The following AGBL4 variants were observed in gnomAD, a reference collection of about 807,000 sequenced individuals.
The protein encoded by AGBL4 is cytosolic carboxypeptidase 6.
In AGBL4, 58 loss-of-function variants were observed where a neutral mutation model predicts 66.4. The ratio of observed to expected loss-of-function variants is 0.87; its 90% confidence interval spans 0.71 to 1.09. The LOEUF is 1.09. AGBL4 is among the 50% of genes least tolerant of loss of function. The pLI is 0.00. For synonymous variants in AGBL4, 234 were observed against 222.9 expected (o/e 1.05, Z -0.44); for missense variants, 579 against 631.0 (o/e 0.92, Z 0.88).
chr1:49,930,658 T>A (rs1653243342), intron 1 of AGBL4, among the ~76,000 whole-genome samples: 1 of 152,010 alleles, frequency 6.6e-6, no homozygotes, highest in Non-Finnish European at 1.5e-5. Context: ...CAAATTAACA[T>A]ACCAAAAACA....
intron 3 of AGBL4, among the ~76,000 whole-genome samples, chr1:49,588,935 T>C (rs1442092572): frequency 6.8e-6 from 1 of 147,998 alleles, no homozygotes; most frequent in African/African-American, 2.6e-5. Flanking sequence ...TCATTTATGT[T>C]AGAAATATGG....
At chr1:50,013,991 T>G (rs907423555) in intron 1 of AGBL4, among the ~76,000 whole-genome samples, 1 of 152,124 alleles carries the variant, frequency 6.6e-6, no homozygotes, top group Non-Finnish European at 1.5e-5. Context: ...ATTGGTAGAG[T>G]TGAATGTTTT....
chr1:49,381,846 TG>T (rs1457482918), intron 3 of AGBL4, among the ~76,000 whole-genome samples: 4 of 75,636 alleles, frequency 5.3e-5, no homozygotes, highest in South Asian at 4.6e-4. Flanking sequence ...GGGACTGTGG[TG>T]GGGTGGGGGA....
intron 3 of AGBL4, among the ~76,000 whole-genome samples, chr1:49,638,986 T>G (rs2124395623): frequency 6.6e-6 from 1 of 152,238 alleles, no homozygotes; most frequent in African/African-American, 2.4e-5. Context: ...TCTATGACTC[T>G]TGTTAAGGTT....
intron 2 of AGBL4, among the ~76,000 whole-genome samples, chr1:49,714,207 A>C (rs2124668012): frequency 6.6e-6 from 1 of 152,118 alleles, no homozygotes; most frequent in Middle Eastern, 3.4e-3. Context: ...TGATTGCCTG[A>C]TATTTTAAAA....
At chr1:49,142,990 T>C (rs1433398302) in intron 4 of AGBL4, among the ~76,000 whole-genome samples, 1 of 152,142 alleles carries the variant, frequency 6.6e-6, no homozygotes, top group Non-Finnish European at 1.5e-5. Flanking sequence ...CTAGGTATTT[T>C]AATTCCTTTA....
intron 3 of AGBL4, among the ~76,000 whole-genome samples, chr1:49,619,916 A>G (rs1645324872): frequency 6.6e-6 from 1 of 152,224 alleles, no homozygotes; most frequent in African/African-American, 2.4e-5. Context: ...CTGACTAGCC[A>G]CATGCAGAAA....
At chr1:49,158,944 A>T (rs1646488246) in intron 4 of AGBL4, among the ~76,000 whole-genome samples, 3 of 133,778 alleles carry the variant, frequency 2.2e-5, no homozygotes, top group Admixed American at 7.6e-5. Flanking sequence ...CTTTATTTTG[A>T]GCCTATGTAT....
intron 1 of AGBL4, among the ~76,000 whole-genome samples, chr1:49,957,830 CT>C (rs1424545673): frequency 2.6e-5 from 4 of 152,008 alleles, no homozygotes; most frequent in Non-Finnish European, 5.9e-5. Flanking sequence ...CAGTCTGTGT[CT>C]TTTAATTGGA....
intron 4 of AGBL4, among the ~76,000 whole-genome samples, chr1:49,061,334 C>T (rs149904021): frequency 1.1e-4 from 16 of 152,230 alleles, no homozygotes; most frequent in Admixed American, 3.3e-4. Flanking sequence ...GGGAAGCAGA[C>T]GAGGATCTTG....
At chr1:49,338,884 T>G (rs1645486017) in intron 3 of AGBL4, among the ~76,000 whole-genome samples, 1 of 152,098 alleles carries the variant, frequency 6.6e-6, no homozygotes, top group South Asian at 2.1e-4. Context: ...TTGGCATCTA[T>G]CACAGTGTCT....
chr1:49,019,022 G>A (rs554398941), intron 5 of AGBL4, among the ~76,000 whole-genome samples: 9 of 152,274 alleles, frequency 5.9e-5, no homozygotes, highest in Non-Finnish European at 1.2e-4. Context: ...GGCTCCTTAG[G>A]TATGTACATT....
At chr1:49,513,671 C>G (rs1186609329) in intron 3 of AGBL4, among the ~76,000 whole-genome samples, 2 of 152,002 alleles carry the variant, frequency 1.3e-5, no homozygotes, top group Admixed American at 6.6e-5. Flanking sequence ...CCTTTCATTA[C>G]AGATAAAGAT....
chr1:49,737,020 T>A (rs574298493), intron 2 of AGBL4, among the ~76,000 whole-genome samples: 137 of 148,348 alleles, frequency 9.2e-4, no homozygotes, highest in African/African-American at 3.3e-3. Flanking sequence ...TTAAAAAGTT[T>A]AAAAAAAAAA....
chr1:48,611,787 T>C (rs920300585), intron 9 of AGBL4, among the ~76,000 whole-genome samples: 2 of 152,256 alleles, frequency 1.3e-5, no homozygotes, highest in Admixed American at 6.5e-5. Context: ...CAACACTATA[T>C]ATAAGCACTT....
chr1:49,108,053 A>G (rs927885660), intron 4 of AGBL4, among the ~76,000 whole-genome samples: 3 of 152,196 alleles, frequency 2.0e-5, no homozygotes, highest in African/African-American at 7.2e-5. Context: ...TTGGCAAGTT[A>G]TCTCTCTTTC....
In AGBL4 at chr1:49,233,334, A is replaced by T. The variant is rs140665013; in HGVS notation, c.377+12436T>A. Reference sequence around the variant, plus strand: ...AAAGTTAACTACTAATTGAAAGACAATTCAAGGTGTTGATTTATAACCAAA... The same window carrying T: ...AAAGTTAACTACTAATTGAAAGACATTTCAAGGTGTTGATTTATAACCAAA... On this transcript the variant is annotated intron_variant, in intron 4 of 13. Transcript: ENST00000371839. 1.3e-3 allele frequency among the ~76,000 whole-genome samples: 191 copies of T among 152,352 alleles called. 2 individuals are homozygous for T. In the Middle Eastern group the frequency reaches 0.017, roughly 14 times the overall value.
intron 4 of AGBL4, among the ~76,000 whole-genome samples, chr1:49,220,946 G>T (rs1649448552): frequency 6.6e-6 from 1 of 152,156 alleles, no homozygotes. Flanking sequence ...AAGAATTCAT[G>T]AGGGTTCCTT....
chr1:48,739,957 C>T (rs1649654821), intron 6 of AGBL4, among the ~76,000 whole-genome samples: 1 of 152,232 alleles, frequency 6.6e-6, no homozygotes, highest in African/African-American at 2.4e-5. Flanking sequence ...CTTCACAGTA[C>T]ATGTCAGTGG....
Sources: allele counts gnomAD v4.1 joint callset (sites outside exome capture counted in the v4.1 genomes callset), GRCh38; gene constraint gnomAD v4.1.1; transcripts MANE v1.5; gene names NCBI Gene and HGNC (gene_info 2026-07-23, HGNC 2026-07-21).